HS2ST1: variants seen among roughly 807,000 people sequenced by gnomAD.
HS2ST1 encodes heparan sulfate 2-O-sulfotransferase 1.
A neutral mutation model predicts 42.9 loss-of-function variants in HS2ST1; 18 were observed. That is an observed-to-expected ratio of 0.42 (90% CI 0.29 to 0.62). The LOEUF (loss-of-function observed/expected upper bound fraction) is 0.62, where lower values mean the gene tolerates loss of function less well. Ranked by LOEUF, HS2ST1 falls within the 20% of genes least tolerant of loss-of-function variation. The pLI is 0.21. For missense variants in HS2ST1, 334 were observed against 433.8 expected, an observed-to-expected ratio of 0.77 and a Z score of 2.04; for synonymous variants, 146 against 152.9, an observed-to-expected ratio of 0.95 and a Z score of 0.33.
intron 3 of HS2ST1, among the ~76,000 whole-genome samples, chr1:87,091,195 A>G (rs577526134): frequency 2.0e-5 from 3 of 152,022 alleles, no homozygotes; most frequent in Admixed American, 6.6e-5. Flanking sequence ...GGGTTCATAC[A>G]AAAAGTATTT....
chr1:86,971,174 TCAAA>T (rs1224990740), intron 1 of HS2ST1, among the ~76,000 whole-genome samples: 3 of 152,090 alleles, frequency 2.0e-5, no homozygotes. Flanking sequence ...AAGTTTCTGC[TCAAA>T]CAAAGAAATT....
At chr1:87,011,837 T>C (rs952617095) in intron 1 of HS2ST1, among the ~76,000 whole-genome samples, 2 of 152,228 alleles carry the variant, frequency 1.3e-5, no homozygotes, top group South Asian at 2.1e-4. Context: ...CCTTGAGGAA[T>C]TGATATTGTA....
intron 1 of HS2ST1, among the ~76,000 whole-genome samples, chr1:86,942,230 T>C (rs923910697): frequency 6.6e-6 from 1 of 152,210 alleles, no homozygotes. Context: ...ATTCAGTGTT[T>C]ATAGAACTAG....
chr1:87,103,401 C>T (rs1329778239), intron 5 of HS2ST1, 31 bp from the exon 6 acceptor site: 2 of 1,561,118 alleles, frequency 1.3e-6, no homozygotes, highest in East Asian at 2.3e-5. Context: ...GATTTCACAA[C>T]CAGGTTTTAA....
intron 1 of HS2ST1, among the ~76,000 whole-genome samples, chr1:86,987,179 C>G (rs575321082): frequency 6.6e-6 from 1 of 150,448 alleles, no homozygotes; most frequent in South Asian, 2.1e-4. Flanking sequence ...AAGTGATTCT[C>G]CTGCCTCAGC....
chr1:86,914,689 G>A lies in HS2ST1; in HGVS notation c.-348G>A, dbSNP rs908835479. ...GGCCGCGAGCAAAGGAGGGAGGGAA[G>A]GAAGGAAGAGAGGGAGGCGGGCAAG... is the stretch of plus-strand genomic sequence containing the variant. On this transcript the variant is annotated 5_prime_UTR_variant, in exon 1 of 7. Transcript: ENST00000370550. The A allele has an allele frequency of 1.8e-5, 5 of 276,834 alleles. No individual in the cohort carries two copies. The highest frequency in any genetic ancestry group is 9.2e-5 in the African/African-American group (4 of 43,590). The allele number at this position is 276,834 out of a possible 1,614,324, so 17.1% of individuals were successfully genotyped here. A position where few individuals can be genotyped will look rare whatever the true frequency, so the allele number is the denominator to read the frequency against.
In HS2ST1 at chr1:86,985,433, CACAT is replaced by C. The variant is rs2102225125; in HGVS notation, c.124+70275_124+70278del. Among the ~76,000 whole-genome samples the C allele has an allele frequency of 4.2e-5, 2 of 47,924 alleles. 1 individual carries two copies. Among genetic ancestry groups the C allele is most frequent in the East Asian group, 5.6e-3 (2 of 356 alleles). 31.4% of individuals were successfully genotyped at this position (47,924 alleles called of 152,430 possible). On this transcript the variant is annotated intron_variant, in intron 1 of 6. Transcript: ENST00000370550. ...ACACATATATATACACATATATACA[CACAT>C]ATATACACATATATACACACATATA...
chr1:87,015,257 A>T (rs1242324496), intron 1 of HS2ST1, among the ~76,000 whole-genome samples: 1 of 151,864 alleles, frequency 6.6e-6, no homozygotes, highest in Non-Finnish European at 1.5e-5. Flanking sequence ...CATGTCAGCC[A>T]GGATGGTCTC....
chr1:86,914,967 C>G lies in HS2ST1; in HGVS notation c.-70C>G. On this transcript the variant is annotated 5_prime_UTR_variant, in exon 1 of 7. Coordinates refer to ENST00000370550, the MANE Select transcript of HS2ST1 (RefSeq NM_012262.4). ...TCCCGGCTCGGCGGGCTCCTCCCGGCGTCTCTCTCGCCTCCGGGGTCCCGC... is the reference window on the plus strand; with the variant it reads ...TCCCGGCTCGGCGGGCTCCTCCCGGGGTCTCTCTCGCCTCCGGGGTCCCGC... 1 of 1,583,178 alleles carries G rather than the reference C, an allele frequency of 6.3e-7. No individual in the cohort carries two copies. The highest frequency in any genetic ancestry group is 1.3e-5 in the African/African-American group (1 of 74,302).
chr1:87,064,417 G>A, intron 1 of HS2ST1: 3 of 511,954 alleles, frequency 5.9e-6, no homozygotes, highest in South Asian at 1.4e-5. Context: ...ACTCAGAAGG[G>A]GCAATAGTGA....
At position 87,105,547 on chromosome 1, in the gene HS2ST1, G is replaced by A. The variant is rs1652309019; in HGVS notation, c.*851G>A. On this transcript the variant is annotated 3_prime_UTR_variant, in exon 7 of 7. Coordinates refer to ENST00000370550, the MANE Select transcript of HS2ST1 (RefSeq NM_012262.4). Reference sequence around the variant, plus strand: ...GACTCCATTAGTGAGCTGTGGTATGGGTAGGATTTTCCTACTTCTTCTGTA... The same window carrying A: ...GACTCCATTAGTGAGCTGTGGTATGAGTAGGATTTTCCTACTTCTTCTGTA... 1 of 152,112 alleles carries A rather than the reference G, an allele frequency of 6.6e-6. No homozygotes were observed. Among genetic ancestry groups the A allele is most frequent in the South Asian group, 2.1e-4 (1 of 4,830 alleles). The allele number at this position is 152,112 out of a possible 1,614,324, so 9.4% of individuals were successfully genotyped here.
At chr1:87,003,591 A>G (rs1040210192) in intron 1 of HS2ST1, among the ~76,000 whole-genome samples, 1 of 152,204 alleles carries the variant, frequency 6.6e-6, no homozygotes, top group Non-Finnish European at 1.5e-5. Context: ...TGCTCTTTAT[A>G]GACCCTGTCA....
intron 3 of HS2ST1, among the ~76,000 whole-genome samples, chr1:87,091,406 A>G (rs1276321009): frequency 6.6e-6 from 1 of 152,044 alleles, no homozygotes; most frequent in Non-Finnish European, 1.5e-5. Flanking sequence ...TACCTAAGAC[A>G]TAAGGTAAAA....
chr1:87,062,842 G>A (rs1233414421), intron 1 of HS2ST1, among the ~76,000 whole-genome samples: 3 of 152,046 alleles, frequency 2.0e-5, no homozygotes, highest in Non-Finnish European at 2.9e-5. Flanking sequence ...AAAACATTGT[G>A]CCACTTCCTA....
At chr1:86,994,720 T>C (rs1397991995) in intron 1 of HS2ST1, among the ~76,000 whole-genome samples, 2 of 152,158 alleles carry the variant, frequency 1.3e-5, no homozygotes, top group African/African-American at 2.4e-5. Flanking sequence ...TAGGGTCTTA[T>C]TACAGAATGA....
At chr1:86,980,792 G>C (rs982969457) in intron 1 of HS2ST1, among the ~76,000 whole-genome samples, 2 of 152,132 alleles carry the variant, frequency 1.3e-5, no homozygotes, top group African/African-American at 4.8e-5. Context: ...GGACAAAATG[G>C]AAAGTATGAT....
At position 87,101,133 on chromosome 1, in the gene HS2ST1, T is replaced by TTG. The variant is rs1276015688; in HGVS notation, c.687-2283_687-2282dup. On this transcript the variant is annotated intron_variant, in intron 5 of 6. Coordinates refer to ENST00000370550, the MANE Select transcript of HS2ST1 (RefSeq NM_012262.4). ...TGCCAGATGTCCTAAGTCATCACTT[T>TTG]TGTGTGTGTGTGTGTGTTTTTTGTT... Among the ~76,000 whole-genome samples, 201 of 146,934 alleles carry TTG rather than the reference T, an allele frequency of 1.4e-3. 3 individuals are homozygous for TTG. Among genetic ancestry groups the TTG allele is most frequent in the East Asian group, 6.1e-3 (30 of 4,924 alleles).
Position 87,072,945 on chromosome 1 carries a change from G to C in HS2ST1, c.136G>C (p.Ala46Pro). 1 of 1,613,618 alleles carries C rather than the reference G, an allele frequency of 6.2e-7. No homozygotes were observed. The highest frequency in any genetic ancestry group is 1.3e-5 in the African/African-American group (1 of 75,024). Residue 46 changes from alanine (A) to proline (P), a missense_variant, in exon 2 of 7, where the codon GCA becomes CCA. Coordinates refer to ENST00000370550, the MANE Select transcript of HS2ST1 (RefSeq NM_012262.4). ...GTTTTTCTTTCCAGAAAGGGCTATT[G>C]CAAGACACGAAGTCCGAGAAATTGA... Reference protein sequence around the residue: ...ESRSKLERAIARHEVREIEQR... With the variant: ...ESRSKLERAIPRHEVREIEQR...
At chr1:87,016,192 C>A (rs1280628475) in intron 1 of HS2ST1, among the ~76,000 whole-genome samples, 1 of 152,136 alleles carries the variant, frequency 6.6e-6, no homozygotes, top group Admixed American at 6.5e-5. Flanking sequence ...GTTATTATAT[C>A]TTTATTTAAC....
Sources: allele counts gnomAD v4.1 joint callset (sites outside exome capture counted in the v4.1 genomes callset), GRCh38; gene constraint gnomAD v4.1.1; transcripts MANE v1.5; gene names NCBI Gene and HGNC (gene_info 2026-07-23, HGNC 2026-07-21).